MYO15B: variants seen among roughly 807,000 people sequenced by gnomAD.
MYO15B encodes the protein myosin XVB.
A neutral mutation model predicts 119.3 loss-of-function variants in MYO15B; 207 were observed. That is an observed-to-expected ratio of 1.73 (90% CI 1.55 to 1.95). MYO15B has a LOEUF of 1.95. MYO15B is among the 30% of genes most tolerant of loss of function. The pLI is 0.00. For missense variants in MYO15B, 2,264 were observed against 1,203.1 expected, an observed-to-expected ratio of 1.88 and a Z score of -13.04; for synonymous variants, 966 against 498.9, an observed-to-expected ratio of 1.94 and a Z score of -12.48.
chr17:75,595,074 G>A (rs577739208), intron 12 of MYO15B, 102 bp downstream of exon 12: 1 of 644,232 alleles, frequency 1.6e-6, no homozygotes, highest in East Asian at 2.7e-5. Flanking sequence ...CACTCGCGAG[G>A]TGCTTGTCTG....
intron 12 of MYO15B, among the ~76,000 whole-genome samples, chr17:75,596,032 C>T (rs949687272): frequency 2.6e-5 from 4 of 152,190 alleles, no homozygotes; most frequent in African/African-American, 9.6e-5. Context: ...TTTCAAGGGG[C>T]ACAAAGCTGC....
rs182152396 is a variant in MYO15B, at chr17:75,620,732, G to A, written c.7725+96G>A. The A allele has an allele frequency of 4.7e-4, 326 of 693,916 alleles. 1 individual carries two copies. The East Asian group carries it at 7.6e-3, about 16-fold the overall frequency. 43.0% of individuals were successfully genotyped at this position (693,916 alleles called of 1,614,324 possible). ...CACTCCCGAGGCTGCCATGCGGTGGGACCACCCTGCTGTCCGTCTCCTGTG... is the reference window on the plus strand; with the variant it reads ...CACTCCCGAGGCTGCCATGCGGTGGAACCACCCTGCTGTCCGTCTCCTGTG... On this transcript the variant is annotated intron_variant, in intron 49 of 63. Transcript: ENST00000645453.
At chr17:75,626,749 G>C in exon 64 of MYO15B, 1 of 557,526 alleles carries the variant, frequency 1.8e-6, no homozygotes, top group Non-Finnish European at 3.2e-6. Flanking sequence ...CAGTCTGAGG[G>C]AGATGCCCAC....
intron 25 of MYO15B, among the ~76,000 whole-genome samples, chr17:75,612,283 G>A (rs2058077232): frequency 6.6e-6 from 1 of 152,246 alleles, no homozygotes. Flanking sequence ...TGTACCTGCG[G>A]TAGTGCCCTG....
intron 21 of MYO15B, among the ~76,000 whole-genome samples, chr17:75,608,862 T>C (rs1281890100): frequency 6.6e-6 from 1 of 152,134 alleles, no homozygotes; most frequent in Non-Finnish European, 1.5e-5. Context: ...GCCTATGAAG[T>C]AGCTGGGACT....
intron 29 of MYO15B, 135 bp downstream of exon 29, chr17:75,613,912 G>A (rs2058193182): frequency 1.2e-5 from 7 of 603,472 alleles, no homozygotes; most frequent in South Asian, 9.7e-5. Context: ...TGCAGATGGC[G>A]ATGGGGAGCC....
intron 21 of MYO15B, among the ~76,000 whole-genome samples, chr17:75,609,485 ATTTTTTTTTTTTT>A (rs749247022): frequency 2.6e-5 from 2 of 77,996 alleles, no homozygotes; most frequent in African/African-American, 1.1e-4. Context: ...AAGGGAAATG[ATTTTTTTTTTTTT>A]TTTTTTTTTT....
chr17:75,622,129 T>A (rs1232046002), intron 53 of MYO15B, 49 bp downstream of exon 53: 2 of 699,752 alleles, frequency 2.9e-6, no homozygotes, highest in Non-Finnish European at 5.2e-6. Context: ...TCCTCCTGTC[T>A]GGGCCTGAAG....
intron 21 of MYO15B, among the ~76,000 whole-genome samples, chr17:75,609,578 C>G (rs1463694110): frequency 7.4e-6 from 1 of 136,038 alleles, no homozygotes; most frequent in African/African-American, 2.8e-5. Flanking sequence ...AGAGTCAGAT[C>G]TTAATCCCTC....
intron 14 of MYO15B, among the ~76,000 whole-genome samples, 180 bp from the exon 15 acceptor site, chr17:75,601,258 C>T (rs533011596): frequency 3.3e-5 from 5 of 152,240 alleles, no homozygotes; most frequent in East Asian, 3.9e-4. Context: ...AGGCTGATCT[C>T]GAACTCCTAT....
chr17:75,613,654 G>C (rs1183147336), intron 28 of MYO15B, 51 bp from the exon 29 acceptor site: 1 of 695,492 alleles, frequency 1.4e-6, no homozygotes, highest in Non-Finnish European at 2.6e-6. Context: ...TTCCTGTCAG[G>C]GTGGACTCTG....
At position 75,602,530 on chromosome 17, in the gene MYO15B, T is replaced by G; in HGVS notation, c.3665T>G (p.Leu1222Ter). ...GGTCTCTTGCAGGTTCACAAGTTTT[T>G]AAACAGAAACCGGGATCAGCTGGAC... The change falls in exon 16 of 64, where the codon TTA becomes TGA. Residue 1222 changes from leucine (L) to a stop codon, truncating the protein, a stop_gained. Coordinates refer to ENST00000645453, the Ensembl canonical transcript of MYO15B. LOFTEE classifies it high-confidence loss of function. 1.4e-6 allele frequency: 1 copy of G among 702,110 alleles called. No individual in the cohort carries two copies. The highest frequency in any genetic ancestry group is 2.6e-6 in the Non-Finnish European group (1 of 384,398). 43.5% of individuals were successfully genotyped at this position (702,110 alleles called of 1,614,324 possible).
intron 12 of MYO15B, 125 bp downstream of exon 12, chr17:75,595,097 C>T: frequency 3.2e-6 from 2 of 626,086 alleles, no homozygotes; most frequent in African/African-American, 1.8e-5. Flanking sequence ...TGGCAGGGCG[C>T]TTTCAGGGCT....
At chr17:75,613,671 C>T (rs1049725905) in intron 28 of MYO15B, 34 bp from the exon 29 acceptor site, 5 of 699,838 alleles carry the variant, frequency 7.1e-6, no homozygotes, top group Non-Finnish European at 1.3e-5. Context: ...TCTGCTGTCC[C>T]TCACTCTTGC....
exon 27 of MYO15B, chr17:75,613,140 G>A (rs1279533566): frequency 1.3e-5 from 9 of 702,508 alleles, no homozygotes; most frequent in Non-Finnish European, 2.1e-5. Context: ...AGCCAGCGTG[G>A]CTGGGCCCTC....
intron 21 of MYO15B, among the ~76,000 whole-genome samples, chr17:75,608,370 T>TG (rs1397234796): frequency 6.6e-6 from 1 of 151,898 alleles, no homozygotes; most frequent in Admixed American, 6.6e-5. Context: ...CCACCTCAGG[T>TG]GATCAGCCTC....
chr17:75,620,115 G>C (rs1598908048), intron 47 of MYO15B, 95 bp downstream of exon 47: 1 of 656,082 alleles, frequency 1.5e-6, no homozygotes, highest in Non-Finnish European at 2.8e-6. Flanking sequence ...GGGGCTGGGA[G>C]TTTGGGCCAA....
exon 25 of MYO15B, chr17:75,612,007 C>T: frequency 5.7e-6 from 4 of 703,004 alleles, no homozygotes; most frequent in Admixed American, 2.0e-5. Flanking sequence ...TCGTCGCCAT[C>T]GGCTTTCAGG....
chr17:75,623,208 G>A (rs2058808649), intron 53 of MYO15B, among the ~76,000 whole-genome samples: 1 of 151,972 alleles, frequency 6.6e-6, no homozygotes, highest in Non-Finnish European at 1.5e-5. Flanking sequence ...GAGCACACCT[G>A]TAGTACTCGG....
Sources: allele counts gnomAD v4.1 joint callset (sites outside exome capture counted in the v4.1 genomes callset), GRCh38; gene constraint gnomAD v4.1.1; transcripts MANE v1.5; gene names NCBI Gene and HGNC (gene_info 2026-07-23, HGNC 2026-07-21).